LRP1B: variants seen among roughly 807,000 people sequenced by gnomAD.
LRP1B encodes LDL receptor related protein 1B, also known as low-density lipoprotein receptor-related protein 1B.
LRP1B carries 217 observed loss-of-function variants against 556.6 expected under a neutral mutation model. That is an observed-to-expected ratio of 0.39 (90% CI 0.35 to 0.44). LRP1B has a LOEUF of 0.44. Among genes scored for constraint, LRP1B ranks in the 20% least tolerant of loss-of-function variants. The probability of loss-of-function intolerance (pLI) is 1.00; values close to 1 mark genes in which losing one functional copy is unlikely to be tolerated. For synonymous variants in LRP1B, 2,047 were observed against 1,865.8 expected (o/e 1.10, Z -2.50); for missense variants, 5,053 against 5,620.8 (o/e 0.90, Z 3.23).
intron 2 of LRP1B, 142 bp downstream of exon 2, chr2:141,810,137 G>A (rs1313591189): frequency 5.3e-5 from 25 of 470,250 alleles, no homozygotes; most frequent in Non-Finnish European, 4.1e-5. Context: ...AAGAAAGAAA[G>A]AAAGAAAGAA....
intron 1 of LRP1B, among the ~76,000 whole-genome samples, chr2:141,947,174 A>G (rs1051754504): frequency 3.3e-5 from 5 of 152,042 alleles, no homozygotes; most frequent in African/African-American, 1.2e-4. Context: ...GCTCATGCCT[A>G]TAATTCCAGC....
intron 31 of LRP1B, among the ~76,000 whole-genome samples, chr2:140,815,868 T>C (rs1424490536): frequency 3.3e-4 from 3 of 9,180 alleles, no homozygotes; most frequent in Non-Finnish European, 2.5e-3. Flanking sequence ...GTTGTCTCTC[T>C]TTTTTTTTTT....
chr2:141,040,764 A>G (rs1222503291), intron 11 of LRP1B, among the ~76,000 whole-genome samples: 2 of 152,102 alleles, frequency 1.3e-5, no homozygotes, highest in Non-Finnish European at 2.9e-5. Context: ...TCCACAGGGC[A>G]ATTCTGAAGA....
At chr2:140,774,694 G>A (rs191309263) in intron 33 of LRP1B, among the ~76,000 whole-genome samples, 13 of 152,128 alleles carry the variant, frequency 8.5e-5, no homozygotes, top group African/African-American at 3.1e-4. Flanking sequence ...ATGGAAATCA[G>A]AAAATGTTTC....
intron 3 of LRP1B, among the ~76,000 whole-genome samples, chr2:141,280,287 A>G (rs560549411): frequency 6.6e-6 from 1 of 152,158 alleles, no homozygotes; most frequent in South Asian, 2.1e-4. Flanking sequence ...ATGACGAGTT[A>G]TTTGGTTTCA....
chr2:141,239,303 G>A (rs1683775019), intron 5 of LRP1B, among the ~76,000 whole-genome samples: 1 of 152,052 alleles, frequency 6.6e-6, no homozygotes, highest in Admixed American at 6.6e-5. Flanking sequence ...GGCAATAGAT[G>A]TGACTGATAA....
intron 32 of LRP1B, 130 bp downstream of exon 32, chr2:140,813,527 A>C (rs1690999256): frequency 1.4e-6 from 1 of 731,316 alleles, no homozygotes; most frequent in Non-Finnish European, 2.3e-6. Context: ...AGAAAACCTC[A>C]TAGAAGTGTT....
chr2:141,115,938 G>T (rs996455971), intron 7 of LRP1B, among the ~76,000 whole-genome samples: 1 of 152,138 alleles, frequency 6.6e-6, no homozygotes, highest in Non-Finnish European at 1.5e-5. Context: ...CATCGTAAGA[G>T]AATGATTAAA....
intron 1 of LRP1B, among the ~76,000 whole-genome samples, chr2:141,908,925 A>G (rs1212538983): frequency 6.6e-6 from 1 of 152,130 alleles, no homozygotes; most frequent in Non-Finnish European, 1.5e-5. Flanking sequence ...AATGAAGAAC[A>G]TGAGATCAGG....
chr2:141,283,755 C>T (rs1481040258), intron 3 of LRP1B, among the ~76,000 whole-genome samples: 1 of 150,136 alleles, frequency 6.7e-6, no homozygotes, highest in African/African-American at 2.5e-5. Flanking sequence ...CCCACCACAT[C>T]CGGCTAATTT....
intron 2 of LRP1B, among the ~76,000 whole-genome samples, chr2:141,769,959 T>C (rs1344787596): frequency 6.6e-6 from 1 of 152,164 alleles, no homozygotes; most frequent in Admixed American, 6.5e-5. Context: ...GCAAAATGCC[T>C]TAGAGTACCT....
intron 2 of LRP1B, among the ~76,000 whole-genome samples, chr2:141,694,052 G>GTAGCA (rs1691642236): frequency 6.6e-6 from 1 of 152,080 alleles, no homozygotes; most frequent in Non-Finnish European, 1.5e-5. Flanking sequence ...AATGTTGAGT[G>GTAGCA]TAGCACAAGA....
At chr2:140,948,399 T>C (rs2105296497) in intron 20 of LRP1B, among the ~76,000 whole-genome samples, 1 of 152,290 alleles carries the variant, frequency 6.6e-6, no homozygotes, top group East Asian at 1.9e-4. Context: ...TTTTCTTTTT[T>C]CACTCAATAT....
intron 3 of LRP1B, among the ~76,000 whole-genome samples, chr2:141,439,854 A>C (rs1248807176): frequency 6.6e-6 from 1 of 152,218 alleles, no homozygotes; most frequent in African/African-American, 2.4e-5. Flanking sequence ...GAAGTTTAAT[A>C]ACAAACCTTA....
In LRP1B at chr2:140,555,865, G is replaced by T. The variant is rs188069343; in HGVS notation, c.7195-13894C>A. ...CATGTCAACTGAAAAGTTCTACTAA[G>T]GGTACAAAGGTTGTTATGTCTATTT... On this transcript the variant is annotated intron_variant, in intron 43 of 90. Coordinates refer to ENST00000389484, the MANE Select transcript of LRP1B (RefSeq NM_018557.3). Among the ~76,000 whole-genome samples the T allele has an allele frequency of 1.7e-3, 264 of 152,068 alleles. 3 individuals are homozygous for T. Among genetic ancestry groups the T allele is most frequent in the Admixed American group, 3.9e-3 (59 of 15,242 alleles).
chr2:141,034,600 G>GA (rs1163749951), intron 11 of LRP1B, among the ~76,000 whole-genome samples: 4 of 151,768 alleles, frequency 2.6e-5, no homozygotes, highest in Non-Finnish European at 5.9e-5. Context: ...AAAAACACAT[G>GA]AAAAAATGCT....
At chr2:140,836,242 C>T (rs1271815390) in intron 31 of LRP1B, among the ~76,000 whole-genome samples, 1 of 152,030 alleles carries the variant, frequency 6.6e-6, no homozygotes, top group African/African-American at 2.4e-5. Flanking sequence ...AAAATAACCA[C>T]AAAAGTTATA....
chr2:141,116,954 A>G (rs1473371558), intron 7 of LRP1B, among the ~76,000 whole-genome samples: 2 of 152,014 alleles, frequency 1.3e-5, no homozygotes, highest in African/African-American at 4.8e-5. Context: ...CACTTGTATA[A>G]CTTTGTTAGT....
intron 2 of LRP1B, among the ~76,000 whole-genome samples, chr2:141,777,053 A>G (rs933497203): frequency 6.6e-6 from 1 of 152,218 alleles, no homozygotes; most frequent in Admixed American, 6.5e-5. Context: ...TTTCTGATAA[A>G]TAAAGTGGAG....
Sources: allele counts gnomAD v4.1 joint callset (sites outside exome capture counted in the v4.1 genomes callset), GRCh38; gene constraint gnomAD v4.1.1; transcripts MANE v1.5; gene names NCBI Gene and HGNC (gene_info 2026-07-23, HGNC 2026-07-21).